CNTN6: variants seen among roughly 807,000 people sequenced by gnomAD.
CNTN6 encodes the protein contactin 6.
In CNTN6, 137 loss-of-function variants were observed where a neutral mutation model predicts 122.8. The ratio of observed to expected loss-of-function variants is 1.12; its 90% CI spans 0.97 to 1.29. CNTN6 has a LOEUF of 1.29. Among genes scored for constraint, CNTN6 ranks in the 50% most tolerant of loss-of-function variants. CNTN6 has a pLI of 0.00. For synonymous variants in CNTN6, 570 were observed against 426.0 expected (o/e 1.34, Z -4.16); for missense variants, 1,634 against 1,223.4 (o/e 1.34, Z -5.01).
intron 12 of CNTN6, among the ~76,000 whole-genome samples, chr3:1,356,135 A>T (rs1162633927): frequency 6.6e-6 from 1 of 151,828 alleles, no homozygotes; most frequent in African/African-American, 2.4e-5. Flanking sequence ...ACATACACTA[A>T]GAGGTATATG....
intron 11 of CNTN6, among the ~76,000 whole-genome samples, chr3:1,334,234 G>A (rs975813256): frequency 6.6e-6 from 1 of 152,122 alleles, no homozygotes; most frequent in African/African-American, 2.4e-5. Context: ...TTTAGAAATA[G>A]CACTTATATT....
At chr3:1,124,267 C>T (rs565877155) in intron 1 of CNTN6, among the ~76,000 whole-genome samples, 9 of 152,030 alleles carry the variant, frequency 5.9e-5, no homozygotes, top group Admixed American at 2.0e-4. Flanking sequence ...GCCAACACCA[C>T]CCAGATTGAG....
chr3:1,389,131 A>G (rs949192893), intron 20 of CNTN6, among the ~76,000 whole-genome samples: 10 of 145,194 alleles, frequency 6.9e-5, no homozygotes, highest in African/African-American at 2.5e-4. Context: ...CAAAGTTGAA[A>G]TGAAGGAAAA....
intron 2 of CNTN6, among the ~76,000 whole-genome samples, chr3:1,170,393 G>A (rs2093339404): frequency 6.6e-6 from 1 of 152,106 alleles, no homozygotes; most frequent in Admixed American, 6.5e-5. Context: ...GGTAACGTAA[G>A]CTAAAGACCC....
chr3:1,378,720 G>C (rs1050412670), intron 17 of CNTN6, among the ~76,000 whole-genome samples: 1 of 152,146 alleles, frequency 6.6e-6, no homozygotes, highest in African/African-American at 2.4e-5. Context: ...TTTCAAGTAA[G>C]AAAACTGAGA....
intron 4 of CNTN6, among the ~76,000 whole-genome samples, chr3:1,272,174 CTG>C: frequency 6.6e-6 from 1 of 152,344 alleles, no homozygotes; most frequent in Non-Finnish European, 1.5e-5. Flanking sequence ...CCATGTGGAG[CTG>C]TGAGTCCATT....
chr3:1,120,763 G>A (rs1161095447), intron 1 of CNTN6, among the ~76,000 whole-genome samples: 1 of 151,706 alleles, frequency 6.6e-6, no homozygotes, highest in Non-Finnish European at 1.5e-5. Context: ...TAGTTTTTAT[G>A]TTTACTCTGT....
At chr3:1,115,764 TA>T (rs2091693889) in intron 1 of CNTN6, among the ~76,000 whole-genome samples, 1 of 151,502 alleles carries the variant, frequency 6.6e-6, no homozygotes, top group African/African-American at 2.4e-5. Flanking sequence ...AATAAATAAA[TA>T]AATAAACAAA....
intron 7 of CNTN6, among the ~76,000 whole-genome samples, chr3:1,312,988 A>G (rs1699603858): frequency 6.6e-6 from 1 of 151,834 alleles, no homozygotes; most frequent in South Asian, 2.1e-4. Flanking sequence ...TGCTCAATTC[A>G]TGTTAAATAA....
chr3:1,300,038 T>C (rs1029061909), intron 7 of CNTN6, among the ~76,000 whole-genome samples: 7 of 151,990 alleles, frequency 4.6e-5, no homozygotes, highest in Non-Finnish European at 1.0e-4. Flanking sequence ...GTGCAGTGGC[T>C]TGATCTCAGC....
In CNTN6 at chr3:1,141,373, G is replaced by A. The variant is rs961836201; in HGVS notation, c.-82-6554G>A. ...CAAAGCAATGTTGCTGTAAATAAGG[G>A]GAGAACGAAGCCCGTGAGGAGTCAC... On this transcript the variant is annotated intron_variant, in intron 1 of 22. Coordinates refer to ENST00000446702, the MANE Select transcript of CNTN6 (RefSeq NM_001289080.2). Among the ~76,000 whole-genome samples the A allele has an allele frequency of 5.9e-5, 9 of 152,274 alleles. No individual in the cohort carries two copies. The East Asian group carries it at 1.7e-3, about 29-fold the overall frequency.
chr3:1,271,887 A>G (rs565614355), intron 4 of CNTN6, among the ~76,000 whole-genome samples: 26 of 152,280 alleles, frequency 1.7e-4, no homozygotes, highest in African/African-American at 6.0e-4. Context: ...TGAACCGTGG[A>G]ACCAGAGGGA....
intron 2 of CNTN6, among the ~76,000 whole-genome samples, chr3:1,164,908 G>C (rs1017226694): frequency 2.0e-5 from 3 of 152,176 alleles, no homozygotes; most frequent in Non-Finnish European, 2.9e-5. Context: ...CTGTACATCT[G>C]AGTGGATTTT....
At chr3:1,242,903 G>C (rs1050162495) in intron 4 of CNTN6, among the ~76,000 whole-genome samples, 1 of 152,174 alleles carries the variant, frequency 6.6e-6, no homozygotes, top group Non-Finnish European at 1.5e-5. Flanking sequence ...ACCCACAACA[G>C]TTATGGAGGC....
intron 7 of CNTN6, 60 bp downstream of exon 7, chr3:1,298,051 C>T: frequency 8.0e-7 from 1 of 1,250,840 alleles, no homozygotes; most frequent in Non-Finnish European, 1.1e-6. Flanking sequence ...TTATTAAAAA[C>T]CTTTTTGTTA....
intron 12 of CNTN6, among the ~76,000 whole-genome samples, chr3:1,366,149 A>T (rs763464140): frequency 6.6e-6 from 1 of 152,196 alleles, no homozygotes; most frequent in Non-Finnish European, 1.5e-5. Context: ...ACTCTTACAC[A>T]TGTTAAAATT....
At chr3:1,263,374 T>C (rs989187959) in intron 4 of CNTN6, among the ~76,000 whole-genome samples, 1 of 152,100 alleles carries the variant, frequency 6.6e-6, no homozygotes, top group Admixed American at 6.6e-5. Context: ...TGGGCCCCAG[T>C]CTCTTATAAC....
chr3:1,095,469 T>TCAAA (rs539052718), intron 1 of CNTN6, among the ~76,000 whole-genome samples: 169 of 152,194 alleles, frequency 1.1e-3, no homozygotes, highest in Non-Finnish European at 1.9e-3. Context: ...AAACTCCATC[T>TCAAA]CAAACAAACA....
chr3:1,379,589 T>C (rs1710363620), intron 17 of CNTN6, among the ~76,000 whole-genome samples: 1 of 152,146 alleles, frequency 6.6e-6, no homozygotes, highest in Admixed American at 6.5e-5. Flanking sequence ...GAATTTTTTT[T>C]TTAAGTTTAC....
Sources: allele counts gnomAD v4.1 joint callset (sites outside exome capture counted in the v4.1 genomes callset), GRCh38; gene constraint gnomAD v4.1.1; transcripts MANE v1.5; gene names NCBI Gene and HGNC (gene_info 2026-07-23, HGNC 2026-07-21).